The following MYO16 variants were observed in gnomAD, a reference collection of about 807,000 sequenced individuals.
The protein encoded by MYO16 is unconventional myosin-XVI.
MYO16 carries 94 observed loss-of-function variants against 205.3 expected under a neutral mutation model. That is an observed-to-expected ratio of 0.46 (90% CI 0.39 to 0.54). The LOEUF (loss-of-function observed/expected upper bound fraction) is 0.54. MYO16 is among the 20% of genes least tolerant of loss of function. The pLI, the probability that MYO16 is intolerant of heterozygous loss-of-function variation, is 0.00. For synonymous variants in MYO16, 988 were observed against 954.0 expected (o/e 1.04, Z -0.66); for missense variants, 2,315 against 2,387.5 (o/e 0.97, Z 0.63).
chr13:108,972,249 C>CTCTCTCTCTCTCTATATATATATA (rs1178345437), intron 20 of MYO16, among the ~76,000 whole-genome samples: 1 of 2,846 alleles, frequency 3.5e-4, no homozygotes, highest in Non-Finnish European at 5.9e-4. Context: ...CTCTCTCTCT[C>CTCTCTCTCTCTCTATATATATATA]TATATATATA....
intron 27 of MYO16, among the ~76,000 whole-genome samples, chr13:109,070,621 A>G (rs978415978): frequency 3.3e-5 from 5 of 152,200 alleles, no homozygotes; most frequent in Admixed American, 6.6e-5. Context: ...GGGTGGGTTA[A>G]TAATAGTCTT....
the MYO16 span, among the ~76,000 whole-genome samples, chr13:108,562,932 T>G: frequency 6.6e-6 from 1 of 152,134 alleles, no homozygotes; most frequent in South Asian, 2.1e-4. Flanking sequence ...TGTATACATA[T>G]GTATAAATAT....
chr13:109,075,300 G>A (rs537323151), intron 27 of MYO16, among the ~76,000 whole-genome samples: 1 of 123,356 alleles, frequency 8.1e-6, no homozygotes, highest in African/African-American at 2.9e-5. Flanking sequence ...GTTCCCTTTT[G>A]TCTTCCCGTC....
At chr13:108,955,783 G>A (rs1328512705) in intron 16 of MYO16, among the ~76,000 whole-genome samples, 1 of 152,136 alleles carries the variant, frequency 6.6e-6, no homozygotes, top group African/African-American at 2.4e-5. Flanking sequence ...CCCGGGAGGT[G>A]AAGGTTGCAG....
intron 2 of MYO16, among the ~76,000 whole-genome samples, chr13:108,672,395 A>G (rs1403274320): frequency 2.0e-5 from 3 of 152,192 alleles, no homozygotes; most frequent in Non-Finnish European, 4.4e-5. Context: ...ATGAAATTTT[A>G]TCTCTTATTT....
chr13:108,968,132 C>T (rs777685895), intron 20 of MYO16, among the ~76,000 whole-genome samples: 58 of 152,200 alleles, frequency 3.8e-4, no homozygotes, highest in Middle Eastern at 3.2e-3. Context: ...ACAGACAGAG[C>T]GTCAGCCTCT....
rs527476342 is a variant in MYO16 at position 108,892,127 on chromosome 13, G to T, written c.1659+3650G>T. ...TTCTGTAGACTTTTCTCTTTAAAAA[G>T]AATGCATAATTAGTTTTTTGAATAT... On this transcript the variant is annotated intron_variant, in intron 14 of 34. Coordinates refer to ENST00000457511, the MANE Select transcript of MYO16 (RefSeq NM_001198950.3). Among the ~76,000 whole-genome samples the T allele has an allele frequency of 3.9e-5, 6 of 152,062 alleles. No homozygotes were observed. In the East Asian group the frequency reaches 1.2e-3, roughly 29 times the overall value.
chr13:109,095,049 T>C (rs1888736136), intron 27 of MYO16, among the ~76,000 whole-genome samples: 1 of 152,186 alleles, frequency 6.6e-6, no homozygotes, highest in African/African-American at 2.4e-5. Flanking sequence ...GGTGAATTGA[T>C]TGATTGATCC....
chr13:108,851,642 C>A (rs1231093867), intron 10 of MYO16, among the ~76,000 whole-genome samples: 1 of 152,178 alleles, frequency 6.6e-6, no homozygotes, highest in Non-Finnish European at 1.5e-5. Context: ...AACTTAGTTG[C>A]ATACAGTTGC....
In MYO16 at chr13:109,141,030, C is replaced by A; in HGVS notation, c.4818C>A (p.Pro1606=). ...PPPPPPPGPP[P]APYRPCAHLA... is the part of the protein sequence containing the mutation. ...CCCCGCCCCCGCCCGGGCCGCCCCCCGCGCCCTACAGGCCCTGCGCGCACT... is the reference window on the plus strand; with the variant it reads ...CCCCGCCCCCGCCCGGGCCGCCCCCAGCGCCCTACAGGCCCTGCGCGCACT... Residue 1606 remains proline, a synonymous_variant, in exon 32 of 35, where the codon CCC becomes CCA. Transcript: ENST00000457511. The surrounding 1 kb of genome is among the most constrained non-coding windows in gnomAD (Gnocchi z 4.1). 1.1e-5 allele frequency: 15 copies of A among 1,330,604 alleles called. No individual in the cohort carries two copies. Among genetic ancestry groups the A allele is most frequent in the South Asian group, 2.4e-5 (1 of 40,884 alleles). 82.4% of individuals were successfully genotyped at this position (1,330,604 alleles called of 1,614,324 possible). A position where few individuals can be genotyped will look rare whatever the true frequency, so the allele number is the denominator to read the frequency against.
intron 22 of MYO16, among the ~76,000 whole-genome samples, chr13:109,013,813 G>T (rs966020352): frequency 1.3e-5 from 2 of 152,126 alleles, no homozygotes; most frequent in Non-Finnish European, 2.9e-5. Flanking sequence ...TGATGGGGTT[G>T]TTTGATTTTT....
intron 9 of MYO16, among the ~76,000 whole-genome samples, chr13:108,826,395 C>CT (rs1329669933): frequency 6.6e-6 from 1 of 152,072 alleles, no homozygotes; most frequent in Non-Finnish European, 1.5e-5. Flanking sequence ...TGGACCTGAA[C>CT]TTTATGTCAT....
chr13:108,805,126 C>G (rs1013375485), intron 6 of MYO16, among the ~76,000 whole-genome samples: 4 of 152,078 alleles, frequency 2.6e-5, no homozygotes, highest in Non-Finnish European at 4.4e-5. Context: ...AACGTAGAAT[C>G]AATTTAGAAG....
chr13:108,890,440 C>T (rs529250930), intron 14 of MYO16, among the ~76,000 whole-genome samples: 216 of 152,182 alleles, frequency 1.4e-3, no homozygotes, highest in Non-Finnish European at 2.7e-3. Context: ...TGTGGCAGGC[C>T]GTGGTTGATA....
At chr13:108,824,576 T>C (rs1876153766) in intron 9 of MYO16, among the ~76,000 whole-genome samples, 1 of 151,980 alleles carries the variant, frequency 6.6e-6, no homozygotes, top group Non-Finnish European at 1.5e-5. Context: ...GTGGGCAAAA[T>C]ATCAACAAGG....
intron 9 of MYO16, among the ~76,000 whole-genome samples, chr13:108,836,651 G>A (rs1180941078): frequency 6.6e-6 from 1 of 152,218 alleles, no homozygotes; most frequent in African/African-American, 2.4e-5. Context: ...AAGGCCATGG[G>A]AGCCCACCTC....
intron 24 of MYO16, among the ~76,000 whole-genome samples, chr13:109,051,352 G>A (rs1887240636): frequency 6.6e-6 from 1 of 152,132 alleles, no homozygotes; most frequent in Non-Finnish European, 1.5e-5. Context: ...TATGGCAAAG[G>A]CAGAAACTAA....
chr13:109,023,243 T>C (rs1262514180), intron 23 of MYO16, among the ~76,000 whole-genome samples: 1 of 99,640 alleles, frequency 1.0e-5, no homozygotes, highest in Non-Finnish European at 1.8e-5. Context: ...CAGATATAAA[T>C]ATATATATTT....
At chr13:108,525,483 G>T in the MYO16 span, among the ~76,000 whole-genome samples, 1 of 152,084 alleles carries the variant, frequency 6.6e-6, no homozygotes, top group Admixed American at 6.6e-5. Flanking sequence ...ATTTGCTGTG[G>T]GGATGACCCT....
Sources: allele counts gnomAD v4.1 joint callset (sites outside exome capture counted in the v4.1 genomes callset), GRCh38; gene constraint gnomAD v4.1.1; non-coding constraint Gnocchi (gnomAD v3.1); transcripts MANE v1.5; gene names NCBI Gene and HGNC (gene_info 2026-07-23, HGNC 2026-07-21).